Variants in TSPAN4 observed in about 807,000 individuals in gnomAD.
TSPAN4 encodes the protein tetraspanin-4.
TSPAN4 carries 38 observed loss-of-function variants against 31.5 expected under a neutral mutation model. That is an observed-to-expected ratio of 1.21 (90% CI 0.93 to 1.58). The LOEUF (loss-of-function observed/expected upper bound fraction) is 1.58, where lower values mean the gene tolerates loss of function less well. Ranked by LOEUF, TSPAN4 falls within the 40% of genes most tolerant of loss-of-function variation. The pLI is 0.00. For missense variants in TSPAN4, 330 were observed against 317.3 expected (o/e 1.04, Z -0.30); for synonymous variants, 186 against 144.6 (o/e 1.29, Z -2.06).
chr11:862,092 G>A (rs1474798002), intron 3 of TSPAN4, among the ~76,000 whole-genome samples: 1 of 152,240 alleles, frequency 6.6e-6, no homozygotes, highest in East Asian at 1.9e-4. Flanking sequence ...CCCGGAGTGA[G>A]GGCAGGGCTG....
At chr11:861,711 C>CA (rs1363641453) in intron 3 of TSPAN4, among the ~76,000 whole-genome samples, 268 of 142,046 alleles carry the variant, frequency 1.9e-3, no homozygotes, top group African/African-American at 3.8e-3. Flanking sequence ...GACTCGGTAT[C>CA]AAAAAAAAAA....
intron 3 of TSPAN4, among the ~76,000 whole-genome samples, chr11:856,707 G>A (rs1017474420): frequency 3.3e-5 from 5 of 152,330 alleles, no homozygotes; most frequent in African/African-American, 9.6e-5. Flanking sequence ...ACCCCTAGCT[G>A]CTCCCCATCT....
intron 3 of TSPAN4, among the ~76,000 whole-genome samples, chr11:850,624 C>T (rs1288460033): frequency 6.6e-6 from 1 of 152,188 alleles, no homozygotes; most frequent in Admixed American, 6.5e-5. Context: ...CTCCTCTCCT[C>T]TCCTCTCCTC....
At chr11:866,461 C>T (rs112216218) in intron 8 of TSPAN4, 101 bp from the exon 9 acceptor site, 39 of 1,094,404 alleles carry the variant, frequency 3.6e-5, no homozygotes, top group Middle Eastern at 2.1e-4. Flanking sequence ...ACCCTGGGGT[C>T]GGGGTCAGGG....
intron 3 of TSPAN4, among the ~76,000 whole-genome samples, chr11:850,631 C>T (rs951873352): frequency 6.6e-5 from 10 of 152,234 alleles, no homozygotes; most frequent in Non-Finnish European, 1.2e-4. Flanking sequence ...CCTCTCCTCT[C>T]CTCACTTGAT....
At position 865,988 on chromosome 11, in the gene TSPAN4, CG is replaced by C; in HGVS notation, c.637del (p.Ala213ArgfsTer8). ...LLAVGIFGLC[T>X]ALVQILGLTF... Reference sequence around the variant, plus strand: ...GCTGTGGGCATCTTTGGGCTGTGCACGGCGCTGGTGCAGGTATGGCCTGGGG... The same window carrying C: ...GCTGTGGGCATCTTTGGGCTGTGCACGCGCTGGTGCAGGTATGGCCTGGGG... On this transcript the variant is annotated frameshift_variant, in exon 8 of 9. Transcript: ENST00000397397. LOFTEE classifies it high-confidence loss of function. 1.2e-6 allele frequency: 2 copies of C among 1,612,120 alleles called. No homozygotes were observed. The highest frequency in any genetic ancestry group is 1.7e-6 in the Non-Finnish European group (2 of 1,179,954).
At chr11:865,289 G>C in intron 5 of TSPAN4, 1 of 575,414 alleles carries the variant, frequency 1.7e-6, no homozygotes, top group Non-Finnish European at 3.1e-6. Flanking sequence ...CAGGACCCAT[G>C]GTCCTCCCCC....
Position 866,921 on chromosome 11 carries a change from G to A in TSPAN4, c.*291G>A. On this transcript the variant is annotated 3_prime_UTR_variant, in exon 9 of 9. Coordinates refer to ENST00000397397, the MANE Select transcript of TSPAN4 (RefSeq NM_003271.5). ...ATATTTACGTATTCTCCAAAGCAGT[G>A]TTCACACGGGAGCCAGCCTGTGGCC... 3.2e-6 allele frequency: 1 copy of A among 310,632 alleles called. No homozygotes were observed. Among genetic ancestry groups the A allele is most frequent in the Non-Finnish European group, 6.0e-6 (1 of 166,626 alleles). The allele number at this position is 310,632 out of a possible 1,614,324, so 19.2% of individuals were successfully genotyped here.
chr11:864,534 C>A (rs1457374949), intron 5 of TSPAN4, 23 bp downstream of exon 5: 7 of 1,610,700 alleles, frequency 4.3e-6, no homozygotes, highest in Non-Finnish European at 5.9e-6. Flanking sequence ...TGGCCGCAGG[C>A]CCAACTGCAG....
At chr11:856,173 C>T (rs546614270) in intron 3 of TSPAN4, among the ~76,000 whole-genome samples, 20 of 152,144 alleles carry the variant, frequency 1.3e-4, no homozygotes, top group African/African-American at 3.1e-4. Context: ...CGCTGGGGGA[C>T]GGCCCCCCGA....
intron 3 of TSPAN4, among the ~76,000 whole-genome samples, chr11:861,341 G>A (rs1485682543): frequency 6.6e-6 from 1 of 152,184 alleles, no homozygotes; most frequent in Non-Finnish European, 1.5e-5. Context: ...TTGGCCGGGC[G>A]CGGTGGCTCA....
chr11:850,598 C>T (rs1290499994), intron 3 of TSPAN4, among the ~76,000 whole-genome samples: 2 of 151,722 alleles, frequency 1.3e-5, no homozygotes, highest in Non-Finnish European at 2.9e-5. Context: ...GCGGCTGCCC[C>T]ACGCCCTGGT....
chr11:859,200 A>G (rs1199055584), intron 3 of TSPAN4, among the ~76,000 whole-genome samples: 1 of 65,664 alleles, frequency 1.5e-5, no homozygotes, highest in Non-Finnish European at 2.9e-5. Flanking sequence ...ACATGCACCC[A>G]GGCTCACACA....
chr11:866,342 G>A (rs1252509822), intron 8 of TSPAN4, among the ~76,000 whole-genome samples: 1 of 152,076 alleles, frequency 6.6e-6, no homozygotes, highest in Non-Finnish European at 1.5e-5. Context: ...AGTTCTGGGT[G>A]TCCTCATGCC....
intron 3 of TSPAN4, among the ~76,000 whole-genome samples, chr11:855,619 G>A (rs1340924286): frequency 6.6e-6 from 1 of 152,204 alleles, no homozygotes; most frequent in African/African-American, 2.4e-5. Flanking sequence ...CCCTTGGAGA[G>A]CTCCTAGGGT....
chr11:858,162 G>A (rs1306504875), intron 3 of TSPAN4: 8 of 152,326 alleles, frequency 5.3e-5, no homozygotes, highest in Admixed American at 5.2e-4. Context: ...ACCATTGAGT[G>A]GGCCATTGCC....
Position 866,968 on chromosome 11 carries a change from T to C in TSPAN4, c.*338T>C, listed in dbSNP as rs1480311909. The stretch of plus-strand genomic sequence containing the variant: ...GGCCCCCAGCCTCCTGGAAAACAGG[T>C]TGGCGCTGGAGGAGCCGGGTCTTGG... On this transcript the variant is annotated 3_prime_UTR_variant, in exon 9 of 9. Coordinates refer to ENST00000397397, the MANE Select transcript of TSPAN4 (RefSeq NM_003271.5). 2 of 231,284 alleles carry C rather than the reference T, an allele frequency of 8.6e-6. No homozygotes were observed. Among genetic ancestry groups the C allele is most frequent in the Non-Finnish European group, 1.7e-5 (2 of 118,018 alleles). 14.3% of individuals were successfully genotyped at this position (231,284 alleles called of 1,614,324 possible). A position where few individuals can be genotyped will look rare whatever the true frequency, so the allele number is the denominator to read the frequency against.
At chr11:845,582 G>A (rs1847273396) in intron 1 of TSPAN4, among the ~76,000 whole-genome samples, 1 of 152,128 alleles carries the variant, frequency 6.6e-6, no homozygotes, top group African/African-American at 2.4e-5. Context: ...AGGTTGCAGG[G>A]GCCAGGGCCA....
intron 3 of TSPAN4, chr11:857,907 C>T (rs1009811364): frequency 6.6e-6 from 1 of 152,316 alleles, no homozygotes; most frequent in African/African-American, 2.4e-5. Context: ...CCCTCATCAC[C>T]TGGTGATCTG....
Sources: allele counts gnomAD v4.1 joint callset (sites outside exome capture counted in the v4.1 genomes callset), GRCh38; gene constraint gnomAD v4.1.1; transcripts MANE v1.5; gene names NCBI Gene and HGNC (gene_info 2026-07-23, HGNC 2026-07-21).